The following ATP23 variants were observed in gnomAD, a reference collection of about 807,000 sequenced individuals.
ATP23 encodes mitochondrial inner membrane protease ATP23 homolog.
A neutral mutation model predicts 28.5 loss-of-function variants in ATP23; 24 were observed. The observed-to-expected ratio is 0.84, with a 90% CI of 0.61 to 1.18. ATP23 has a LOEUF of 1.18. ATP23 is among the 50% of genes most tolerant of loss of function. The pLI, the probability that ATP23 is intolerant of heterozygous loss-of-function variation, is 0.00. For missense variants in ATP23, 274 were observed against 306.4 expected, an observed-to-expected ratio of 0.89 and a Z score of 0.79; for synonymous variants, 99 against 108.6, an observed-to-expected ratio of 0.91 and a Z score of 0.55.
intron 1 of ATP23, among the ~76,000 whole-genome samples, chr12:57,944,151 A>C (rs758931468): frequency 1.1e-4 from 17 of 151,490 alleles, no homozygotes; most frequent in Non-Finnish European, 1.8e-4. Context: ...TAATGTGCTT[A>C]ATATGGTGCC....
chr12:57,954,488 A>G (rs1192470532), intron 5 of ATP23, among the ~76,000 whole-genome samples: 6 of 152,334 alleles, frequency 3.9e-5, no homozygotes, highest in African/African-American at 1.4e-4. Context: ...AGCTTAGCTG[A>G]GAGGGATTTG....
intron 1 of ATP23, among the ~76,000 whole-genome samples, chr12:57,942,919 C>T (rs544392731): frequency 1.6e-4 from 24 of 152,312 alleles, no homozygotes; most frequent in Non-Finnish European, 2.6e-4. Context: ...ACATAGACTT[C>T]TTAAGTTTAC....
intron 5 of ATP23, among the ~76,000 whole-genome samples, chr12:57,956,368 T>G (rs1956866752): frequency 6.6e-6 from 1 of 150,468 alleles, no homozygotes; most frequent in Admixed American, 6.6e-5. Context: ...TTTTTTTTTT[T>G]GGCGAGTTTG....
intron 4 of ATP23, 137 bp downstream of exon 4, chr12:57,952,032 A>C: frequency 9.3e-7 from 1 of 1,070,948 alleles, no homozygotes; most frequent in Non-Finnish European, 1.3e-6. Flanking sequence ...ACTAACATTG[A>C]ATACCATTTT....
At chr12:57,942,731 A>AT (rs1048164255) in intron 1 of ATP23, among the ~76,000 whole-genome samples, 3 of 150,424 alleles carry the variant, frequency 2.0e-5, no homozygotes, top group African/African-American at 4.9e-5. Context: ...CCCAAAGTGT[A>AT]TTTTTTTTTG....
chr12:57,941,784 T>TC lies in ATP23; in HGVS notation c.87dup (p.Glu30ArgfsTer26). The TC allele has an allele frequency of 6.2e-7, 1 of 1,605,928 alleles. No individual in the cohort carries two copies. The highest frequency in any genetic ancestry group is 1.1e-5 in the South Asian group (1 of 89,634). ...CAGCAACACGTCTCTTGCCAGGTCT[T>TC]CCCCGAGCGTCTGGCCCAGGGGAAT... On this transcript the variant is annotated frameshift_variant, in exon 1 of 6. Coordinates refer to ENST00000300145, the MANE Select transcript of ATP23 (RefSeq NM_033276.4). LOFTEE classifies it high-confidence loss of function.
chr12:57,947,119 C>T, intron 3 of ATP23, 43 bp downstream of exon 3: 1 of 1,575,580 alleles, frequency 6.3e-7, no homozygotes, highest in Non-Finnish European at 8.7e-7. Context: ...TTAATCCTCT[C>T]TCTTTATATT....
rs1956709670 is a variant in ATP23, at chr12:57,942,005, A to C, written c.187+117A>C. ...TTCAGGTTCAGCACAGAGTCTAGACAGACTGGGCATCATGGGGGCTGGGTT... is the reference window on the plus strand; with the variant it reads ...TTCAGGTTCAGCACAGAGTCTAGACCGACTGGGCATCATGGGGGCTGGGTT... On this transcript the variant is annotated intron_variant, in intron 1 of 5. Transcript: ENST00000300145. 3 of 1,258,590 alleles carry C rather than the reference A, an allele frequency of 2.4e-6. No homozygotes were observed. The African/African-American group carries it at 4.6e-5, about 19-fold the overall frequency. The allele number at this position is 1,258,590 out of a possible 1,614,324, so 78.0% of individuals were successfully genotyped here. A position where few individuals can be genotyped will look rare whatever the true frequency, so the allele number is the denominator to read the frequency against.
chr12:57,955,168 T>G (rs1565878176), intron 5 of ATP23, among the ~76,000 whole-genome samples: 1 of 151,528 alleles, frequency 6.6e-6, no homozygotes, highest in East Asian at 1.9e-4. Context: ...GTTTGAAAAA[T>G]TCCTTAAAAA....
intron 3 of ATP23, among the ~76,000 whole-genome samples, chr12:57,947,763 G>C (rs1009990091): frequency 6.6e-6 from 1 of 152,140 alleles, no homozygotes; most frequent in African/African-American, 2.4e-5. Flanking sequence ...CCCATAGTAA[G>C]CATTCAATAA....
chr12:57,956,515 C>A (rs1956868511), intron 5 of ATP23, among the ~76,000 whole-genome samples, 172 bp from the exon 6 acceptor site: 1 of 151,984 alleles, frequency 6.6e-6, no homozygotes, highest in Non-Finnish European at 1.5e-5. Context: ...TAAAAATACT[C>A]CTTAAGTGTT....
intron 2 of ATP23, among the ~76,000 whole-genome samples, chr12:57,945,895 C>T (rs1194990147): frequency 4.7e-5 from 7 of 148,504 alleles, no homozygotes; most frequent in African/African-American, 1.2e-4. Context: ...GATAGAGTCT[C>T]GCTCTTGTTG....
intron 3 of ATP23, among the ~76,000 whole-genome samples, chr12:57,947,583 T>C (rs1485907033): frequency 6.6e-6 from 1 of 152,234 alleles, no homozygotes; most frequent in Admixed American, 6.5e-5. Flanking sequence ...GAATGCTAAA[T>C]TAAAGGGTTT....
At chr12:57,956,254 A>G (rs1215610297) in intron 5 of ATP23, among the ~76,000 whole-genome samples, 3 of 152,318 alleles carry the variant, frequency 2.0e-5, no homozygotes, top group African/African-American at 7.2e-5. Flanking sequence ...AGGAAAAGTT[A>G]TCTAGCATTG....
At chr12:57,954,644 G>T (rs1956848484) in intron 5 of ATP23, among the ~76,000 whole-genome samples, 1 of 152,206 alleles carries the variant, frequency 6.6e-6, no homozygotes, top group African/African-American at 2.4e-5. Flanking sequence ...AGTTCTGCCT[G>T]GGCCTGTGTC....
chr12:57,943,523 T>TA (rs1343610826), intron 1 of ATP23, among the ~76,000 whole-genome samples: 2 of 151,162 alleles, frequency 1.3e-5, no homozygotes, highest in African/African-American at 2.4e-5. Context: ...CTACAAAAAA[T>TA]AAAAAAAATT....
chr12:57,947,204 C>T, intron 3 of ATP23, 128 bp downstream of exon 3: 1 of 813,606 alleles, frequency 1.2e-6, no homozygotes, highest in East Asian at 2.6e-5. Flanking sequence ...AATTAGTTAT[C>T]CTTACTCTAA....
intron 3 of ATP23, among the ~76,000 whole-genome samples, chr12:57,949,297 C>T (rs1385471129): frequency 2.0e-5 from 3 of 152,050 alleles, no homozygotes; most frequent in African/African-American, 7.2e-5. Flanking sequence ...GCTTACCTTC[C>T]TCTACTAGCA....
rs943967112 is a variant in ATP23 at position 57,958,542 on chromosome 12, G to A, written c.*1652G>A. Among the ~76,000 whole-genome samples the A allele has an allele frequency of 3.3e-5, 5 of 152,170 alleles. No homozygotes were observed. The highest frequency in any genetic ancestry group is 1.2e-4 in the African/African-American group (5 of 41,410). ...GGTATCCACAGCCGAGAGACCCATA[G>A]ACGGTTCACATCACAGGATTCTGTG... On this transcript the variant is annotated 3_prime_UTR_variant, in exon 6 of 6. Transcript: ENST00000300145.
Sources: allele counts gnomAD v4.1 joint callset (sites outside exome capture counted in the v4.1 genomes callset), GRCh38; gene constraint gnomAD v4.1.1; transcripts MANE v1.5; gene names NCBI Gene and HGNC (gene_info 2026-07-23, HGNC 2026-07-21).